GYS2: variants seen among roughly 807,000 people sequenced by gnomAD.
GYS2 encodes the protein glycogen synthase 2.
A neutral mutation model predicts 85.6 loss-of-function variants in GYS2; 80 were observed. That is an observed-to-expected ratio of 0.93 (90% CI 0.78 to 1.13). The LOEUF (loss-of-function observed/expected upper bound fraction) is 1.13, where lower values mean the gene tolerates loss of function less well. Ranked by LOEUF, GYS2 falls within the 50% of genes most tolerant of loss-of-function variation. The pLI is 0.00. For synonymous variants in GYS2, 328 were observed against 300.7 expected (o/e 1.09, Z -0.94); for missense variants, 881 against 854.9 (o/e 1.03, Z -0.38).
intron 2 of GYS2, among the ~76,000 whole-genome samples, chr12:21,579,607 C>T (rs1473288691): frequency 6.6e-6 from 1 of 152,074 alleles, no homozygotes; most frequent in Admixed American, 6.5e-5. Flanking sequence ...GTGATCCATC[C>T]ATCTTGGCCT....
intron 5 of GYS2, among the ~76,000 whole-genome samples, chr12:21,564,934 T>C (rs1255424275): frequency 6.6e-6 from 1 of 152,176 alleles, no homozygotes; most frequent in Admixed American, 6.5e-5. Flanking sequence ...GCAGCCTGGC[T>C]CAGGAGTTTC....
intron 9 of GYS2, 87 bp from the exon 10 acceptor site, chr12:21,559,256 T>G (rs906681341): frequency 1.5e-6 from 1 of 657,698 alleles, no homozygotes; most frequent in Non-Finnish European, 2.7e-6. Context: ...TATTATATAT[T>G]TCATGTATTT....
chr12:21,535,410 T>A (rs183966689), downstream of GYS2, among the ~76,000 whole-genome samples: 1 of 152,170 alleles, frequency 6.6e-6, no homozygotes, highest in African/African-American at 2.4e-5. Context: ...TCATATTTTT[T>A]CTACTCTCCA....
rs1943991836 is a variant in GYS2 at position 21,542,586 on chromosome 12, A to G, written c.1555T>C (p.Cys519Arg). ...YEPWGYTPAE[C>R]TVMGIPSVTT... The stretch of plus-strand genomic sequence containing the variant: ...ACACTGGGGATACCCATCACAGTGC[A>G]TTCAGCTGCCAGGGGAAATAGACCA... Residue 519 changes from cysteine (C) to arginine (R), a missense_variant, in exon 13 of 16, where the codon TGC becomes CGC. Cys to Arg is a radical substitution (Grantham distance 180). Coordinates refer to ENST00000261195, the MANE Select transcript of GYS2 (RefSeq NM_021957.4). 1.1e-5 allele frequency: 18 copies of G among 1,610,314 alleles called. No individual in the cohort carries two copies. The highest frequency in any genetic ancestry group is 1.4e-5 in the Non-Finnish European group (17 of 1,176,578).
At position 21,537,009 on chromosome 12, in the gene GYS2, GA is replaced by G. The variant is rs1414952733; in HGVS notation, c.2056del (p.Ser686HisfsTer2). 2 of 1,613,992 alleles carry G rather than the reference GA, an allele frequency of 1.2e-6. No individual in the cohort carries two copies. Among genetic ancestry groups the G allele is most frequent in the South Asian group, 2.2e-5 (2 of 91,080 alleles). On this transcript the variant is annotated frameshift_variant, in exon 16 of 16. Coordinates refer to ENST00000261195, the MANE Select transcript of GYS2 (RefSeq NM_021957.4). LOFTEE classifies it high-confidence loss of function. ...RDRLNIKSPF[S>X]LSHVPHGKKK... ...CTTCCCATGAGGAACGTGGCTCAGT[GA>G]AAATGGTGACTTGATATTTAACCGA...
chr12:21,558,302 C>G lies in GYS2; in HGVS notation c.1320G>C (p.Leu440Phe). The G allele has an allele frequency of 2.5e-6, 4 of 1,606,634 alleles. No individual in the cohort carries two copies. The highest frequency in any genetic ancestry group is 3.4e-6 in the Non-Finnish European group (4 of 1,173,284). The stretch of plus-strand genomic sequence containing the variant: ...TCATGTTGTGCGTGGTCACTGGGGG[C>G]AATGACTGTCGCTGAAGTATGAGAG... ...RAIFSTQRQS[L>F]PPVTTHNMID... Residue 440 changes from leucine to phenylalanine, a missense_variant, in exon 11 of 16, where the codon TTG becomes TTC. Transcript: ENST00000261195.
chr12:21,570,502 C>A (rs991318542), intron 4 of GYS2, among the ~76,000 whole-genome samples: 2 of 152,224 alleles, frequency 1.3e-5, no homozygotes, highest in African/African-American at 4.8e-5. Context: ...GTAAGACTTT[C>A]AAGTGCAAAG....
downstream of GYS2, among the ~76,000 whole-genome samples, chr12:21,533,260 C>T (rs912973210): frequency 5.9e-5 from 9 of 152,156 alleles, no homozygotes; most frequent in Non-Finnish European, 1.2e-4. Context: ...TAGTTGCCTT[C>T]GCTCCCTCAA....
intron 13 of GYS2, among the ~76,000 whole-genome samples, chr12:21,541,276 AAAAAAAAAAAAAAAAC>A (rs1458650365): frequency 1.8e-4 from 25 of 137,894 alleles, no homozygotes; most frequent in Admixed American, 6.3e-4. Flanking sequence ...TCCAAAAAAA[AAAAAAAAAAAAAAAAC>A]AAAAAACCCA....
chr12:21,541,268 C>CAAAAAAAAAAAAAAAAAAAA (rs3832848), intron 13 of GYS2, among the ~76,000 whole-genome samples: 1 of 46,330 alleles, frequency 2.2e-5, no homozygotes, highest in Non-Finnish European at 3.8e-5. Context: ...ACCATGTTTC[C>CAAAAAAAAAAAAAAAAAAAA]AAAAAAAAAA....
At chr12:21,570,008 C>A (rs1018517054) in intron 4 of GYS2, among the ~76,000 whole-genome samples, 1 of 152,074 alleles carries the variant, frequency 6.6e-6, no homozygotes, top group African/African-American at 2.4e-5. Flanking sequence ...GTCTTGTATT[C>A]ATCTGTTTTT....
intron 1 of GYS2, among the ~76,000 whole-genome samples, chr12:21,591,926 T>C (rs918758749): frequency 6.6e-6 from 1 of 152,100 alleles, no homozygotes; most frequent in African/African-American, 2.4e-5. Flanking sequence ...ATAAAATCTT[T>C]TCTGGGCAAG....
At position 21,536,949 on chromosome 12, in the gene GYS2, A is replaced by G. The variant is rs1424329181; in HGVS notation, c.*5T>C. On this transcript the variant is annotated 3_prime_UTR_variant, in exon 16 of 16. Coordinates refer to ENST00000261195, the MANE Select transcript of GYS2 (RefSeq NM_021957.4). ...AATTAGCTCTTCATGCAGCACATGT[A>G]GAATTCAGTTCTTATATTCACCATG... 1 of 1,589,768 alleles carries G rather than the reference A, an allele frequency of 6.3e-7. No individual in the cohort carries two copies. The highest frequency in any genetic ancestry group is 1.7e-5 in the Admixed American group (1 of 59,942).
chr12:21,537,085 C>T lies in GYS2; in HGVS notation c.1981G>A (p.Asp661Asn). ...TCGTATCTCTCATCCTCCACTTCAT[C>T]TTCCACATCACTGCTCTGAGGACTG... ...ASSPQSSDVE[D>N]EVEDERYDEE... The change falls in exon 16 of 16, where the codon GAT becomes AAT. Residue 661 changes from aspartate (D) to asparagine (N), a missense_variant. Coordinates refer to ENST00000261195, the MANE Select transcript of GYS2 (RefSeq NM_021957.4). 5 of 1,613,836 alleles carry T rather than the reference C, an allele frequency of 3.1e-6. No homozygotes were observed. Among genetic ancestry groups the T allele is most frequent in the Non-Finnish European group, 4.2e-6 (5 of 1,179,768 alleles).
chr12:21,557,234 T>C (rs1349240479), intron 11 of GYS2, among the ~76,000 whole-genome samples: 2 of 152,226 alleles, frequency 1.3e-5, no homozygotes, highest in Non-Finnish European at 2.9e-5. Context: ...TGGAGCTTAG[T>C]AGAGGTAAGC....
chr12:21,537,964 C>CATGTACAGT (rs1273829833), intron 15 of GYS2, among the ~76,000 whole-genome samples: 4 of 152,168 alleles, frequency 2.6e-5, no homozygotes, highest in Non-Finnish European at 5.9e-5. Flanking sequence ...TCATGTCATA[C>CATGTACAGT]ATGTACAGTC....
At chr12:21,557,703 T>G (rs1244839198) in intron 11 of GYS2, among the ~76,000 whole-genome samples, 8 of 152,012 alleles carry the variant, frequency 5.3e-5, no homozygotes, top group African/African-American at 1.2e-4. Flanking sequence ...ATCGAGACCA[T>G]CCTGGCTTAC....
At chr12:21,584,277 G>C (rs1398623223) in intron 1 of GYS2, among the ~76,000 whole-genome samples, 4 of 152,248 alleles carry the variant, frequency 2.6e-5, no homozygotes, top group Non-Finnish European at 5.9e-5. Flanking sequence ...GAAAAAGCAT[G>C]ACTGGAAAAT....
intron 11 of GYS2, among the ~76,000 whole-genome samples, chr12:21,556,408 C>T (rs77958362): frequency 2.0e-5 from 3 of 152,050 alleles, no homozygotes; most frequent in South Asian, 2.1e-4. Flanking sequence ...TGGCCTCAAG[C>T]GATCCACCTA....
Sources: allele counts gnomAD v4.1 joint callset (sites outside exome capture counted in the v4.1 genomes callset), GRCh38; gene constraint gnomAD v4.1.1; transcripts MANE v1.5; gene names NCBI Gene and HGNC (gene_info 2026-07-23, HGNC 2026-07-21).